SLC44A2: variants seen among roughly 807,000 people sequenced by gnomAD.
SLC44A2 encodes solute carrier family 44 member 2 (CTL2 blood group).
SLC44A2 carries 57 observed loss-of-function variants against 90.8 expected under a neutral mutation model. That is an observed-to-expected ratio of 0.63 (90% CI 0.51 to 0.78). The LOEUF (loss-of-function observed/expected upper bound fraction) is 0.78, where lower values mean the gene tolerates loss of function less well. Among genes scored for constraint, SLC44A2 ranks in the 30% least tolerant of loss-of-function variants. SLC44A2 has a pLI of 0.00. For synonymous variants in SLC44A2, 355 were observed against 360.7 expected, an observed-to-expected ratio of 0.98 and a Z score of 0.18; for missense variants, 794 against 919.7, an observed-to-expected ratio of 0.86 and a Z score of 1.77.
chr19:10,623,922 T>C (rs2066909913), upstream of SLC44A2, among the ~76,000 whole-genome samples: 1 of 152,008 alleles, frequency 6.6e-6, no homozygotes, highest in Non-Finnish European at 1.5e-5. Flanking sequence ...ACTCCTGACC[T>C]CAGTGATCTG....
intron 14 of SLC44A2, 131 bp from the exon 15 acceptor site, chr19:10,636,192 C>T: frequency 9.0e-7 from 1 of 1,113,836 alleles, no homozygotes. Flanking sequence ...CTCTTAATTC[C>T]TTCCCTTAAC....
At chr19:10,635,728 C>A in intron 14 of SLC44A2, 1 of 512,668 alleles carries the variant, frequency 2.0e-6, no homozygotes, top group Non-Finnish European at 3.4e-6. Context: ...TCAACTTGAC[C>A]AGGCCTTCAC....
chr19:10,604,042 T>G (rs1169421428), intron 1 of SLC44A2, among the ~76,000 whole-genome samples: 1 of 152,176 alleles, frequency 6.6e-6, no homozygotes, highest in African/African-American at 2.4e-5. Context: ...TTGCTGGGCT[T>G]AAGGGAGTAC....
chr19:10,613,808 C>T (rs937387243), intron 1 of SLC44A2, among the ~76,000 whole-genome samples: 4 of 151,994 alleles, frequency 2.6e-5, no homozygotes, highest in Non-Finnish European at 4.4e-5. Flanking sequence ...GGAATGTGGG[C>T]GGCCTCTAGA....
In SLC44A2 at chr19:10,634,744, TC is replaced by T. The variant is rs1260213673; in HGVS notation, c.824-7del. ...GGCACTGCTGGACTGAGCTTGTGGT[TC>T]CCCCATGCAGGAATATTTCACTGCT... On this transcript the variant is annotated splice_polypyrimidine_tract_variant and intron_variant, in intron 10 of 21. Transcript: ENST00000335757. 3 of 1,613,988 alleles carry T rather than the reference TC, an allele frequency of 1.9e-6. No individual in the cohort carries two copies. The highest frequency in any genetic ancestry group is 2.5e-6 in the Non-Finnish European group (3 of 1,180,014).
Position 10,632,011 on chromosome 19 carries a change from G to A in SLC44A2, c.711-33G>A, listed in dbSNP as rs758043194. The A allele has an allele frequency of 1.1e-5, 17 of 1,613,446 alleles. No individual in the cohort carries two copies. The East Asian group carries it at 2.0e-4, about 19-fold the overall frequency. On this transcript the variant is annotated intron_variant, in intron 9 of 21. Transcript: ENST00000335757. ...GCCCCCTCTAAGCCTGGCTGAGGGT[G>A]GAGTCTGTTCATGACCGTTTTCTTT...
intron 1 of SLC44A2, among the ~76,000 whole-genome samples, chr19:10,614,620 C>T (rs1402171392): frequency 6.6e-6 from 1 of 152,170 alleles, no homozygotes; most frequent in Non-Finnish European, 1.5e-5. Flanking sequence ...TATCAACATA[C>T]ACATATTGTG....
chr19:10,630,695 C>A, intron 4 of SLC44A2, among the ~76,000 whole-genome samples: 1 of 148,228 alleles, frequency 6.7e-6, no homozygotes, highest in African/African-American at 2.5e-5. Flanking sequence ...AAAAAGTTTT[C>A]TATAGGGTGG....
Position 10,638,254 on chromosome 19 carries a change from A to G in SLC44A2, c.1868A>G (p.His623Arg). Residue 623 changes from histidine (H) to arginine (R), a missense_variant, in exon 20 of 22, where the codon CAC becomes CGC. Around this residue, in one of 3 missense-constraint regions of SLC44A2, gnomAD observed 738 missense variants for 841.1 expected, o/e 0.88. Transcript: ENST00000335757. ...VGILAFFFFT[H>R]RIRIVQDTAP... ...ATCCTGGCTTTCTTCTTCTTCACCC[A>G]CCGTATCAGGATCGTGCAGGATACA... is the stretch of plus-strand genomic sequence containing the variant. The G allele has an allele frequency of 1.2e-6, 2 of 1,612,878 alleles. No individual in the cohort carries two copies. The highest frequency in any genetic ancestry group is 1.7e-6 in the Non-Finnish European group (2 of 1,179,676).
intron 13 of SLC44A2, 44 bp from the exon 14 acceptor site, chr19:10,635,387 G>T: frequency 1.2e-6 from 2 of 1,610,542 alleles, no homozygotes; most frequent in African/African-American, 1.3e-5. Flanking sequence ...AAAAGTCCCT[G>T]GGGTCCTCAG....
At chr19:10,609,232 A>G (rs1450597184) in intron 1 of SLC44A2, among the ~76,000 whole-genome samples, 1 of 152,082 alleles carries the variant, frequency 6.6e-6, no homozygotes, top group Admixed American at 6.6e-5. Context: ...CTGAGATTAC[A>G]AGCGTGAGCA....
intron 14 of SLC44A2, 126 bp downstream of exon 14, chr19:10,635,641 T>G: frequency 1.2e-6 from 1 of 833,184 alleles, no homozygotes; most frequent in Non-Finnish European, 1.9e-6. Flanking sequence ...GTGCTAGGTG[T>G]GGGGGAGGAC....
chr19:10,627,810 A>C lies in SLC44A2; in HGVS notation c.160+15A>C. 1 of 1,614,080 alleles carries C rather than the reference A, an allele frequency of 6.2e-7. No individual in the cohort carries two copies. Among genetic ancestry groups the C allele is most frequent in the Non-Finnish European group, 8.5e-7 (1 of 1,180,004 alleles). ...AGGCATCATAGGTGAGTAGAGAATG[A>C]GCAGGACTTGGAGTTGCAGGGTAGG... On this transcript the variant is annotated intron_variant, in intron 3 of 21. Coordinates refer to ENST00000335757, the MANE Select transcript of SLC44A2 (RefSeq NM_020428.4).
At chr19:10,637,312 AC>A (rs1379897098) in intron 16 of SLC44A2, among the ~76,000 whole-genome samples, 6 of 152,124 alleles carry the variant, frequency 3.9e-5, no homozygotes, top group Admixed American at 3.3e-4. Context: ...AGACCGAGCG[AC>A]TGCACTCCAG....
upstream of SLC44A2, among the ~76,000 whole-genome samples, chr19:10,623,236 G>A (rs527974874): frequency 4.1e-4 from 62 of 152,214 alleles, no homozygotes; most frequent in Middle Eastern, 6.8e-3. Context: ...ATGACCTGGC[G>A]CCTCAGGCCT....
At chr19:10,613,411 G>T (rs754310935) in intron 1 of SLC44A2, among the ~76,000 whole-genome samples, 1 of 151,874 alleles carries the variant, frequency 6.6e-6, no homozygotes, top group African/African-American at 2.4e-5. Context: ...CACTATGCCC[G>T]GCTAATTTTT....
chr19:10,636,900 G>A, intron 16 of SLC44A2, 144 bp downstream of exon 16: 3 of 855,828 alleles, frequency 3.5e-6, no homozygotes, highest in Non-Finnish European at 5.3e-6. Context: ...TGGAGTTCAG[G>A]AGTTGGCGTG....
intron 20 of SLC44A2, chr19:10,641,176 T>C: frequency 2.8e-6 from 1 of 359,254 alleles, no homozygotes; most frequent in South Asian, 2.1e-5. Context: ...GCAGATCGCT[T>C]GAGCTCAGGA....
At chr19:10,606,684 A>G (rs1428493437) in intron 1 of SLC44A2, among the ~76,000 whole-genome samples, 1 of 150,734 alleles carries the variant, frequency 6.6e-6, no homozygotes, top group Non-Finnish European at 1.5e-5. Context: ...AGTGACGTGC[A>G]CCTGTAGTCC....
Sources: gnomAD v4.1 joint callset for allele counts (sites outside exome capture counted in the v4.1 genomes callset) on GRCh38, gnomAD v4.1.1 for gene constraint, gnomAD v4.1.1 regional missense constraint, MANE v1.5 for transcripts, NCBI Gene and HGNC (gene_info 2026-07-23, HGNC 2026-07-21) for gene names.